PLA2G4C: variants seen among roughly 807,000 people sequenced by gnomAD.
PLA2G4C encodes phospholipase A2 group IVC.
Under a neutral mutation model 73.8 loss-of-function variants are expected in PLA2G4C, and 64 were observed. The observed-to-expected ratio is 0.87, with a 90% CI of 0.71 to 1.07. PLA2G4C has a LOEUF of 1.07. Among genes scored for constraint, PLA2G4C ranks in the 50% least tolerant of loss-of-function variants. PLA2G4C has a pLI of 0.00. For synonymous variants in PLA2G4C, 254 were observed against 252.1 expected (o/e 1.01, Z -0.07); for missense variants, 622 against 665.4 (o/e 0.93, Z 0.72).
chr19:48,084,037 A>T (rs944094051), intron 10 of PLA2G4C, among the ~76,000 whole-genome samples: 1 of 82,726 alleles, frequency 1.2e-5, no homozygotes, highest in Non-Finnish European at 2.5e-5. Context: ...ACGAATGCCA[A>T]TTTTGTGTGT....
chr19:48,093,992 G>A (rs906669097), intron 7 of PLA2G4C, among the ~76,000 whole-genome samples: 2 of 152,118 alleles, frequency 1.3e-5, no homozygotes, highest in African/African-American at 4.8e-5. Flanking sequence ...GGCCTCCCCA[G>A]CCATGTGAAA....
intron 10 of PLA2G4C, among the ~76,000 whole-genome samples, chr19:48,082,896 C>T (rs1165181723): frequency 6.7e-6 from 1 of 148,776 alleles, no homozygotes; most frequent in Admixed American, 6.9e-5. Flanking sequence ...TCACCGCAAA[C>T]TCTGCCTCCC....
intron 5 of PLA2G4C, 137 bp from the exon 6 acceptor site, chr19:48,098,396 G>T: frequency 2.8e-6 from 2 of 705,946 alleles, no homozygotes; most frequent in Non-Finnish European, 4.4e-6. Context: ...TACAATAATG[G>T]GCCACTACAG....
At chr19:48,105,194 A>G (rs2032114285) in intron 3 of PLA2G4C, 139 bp downstream of exon 3, 1 of 601,646 alleles carries the variant, frequency 1.7e-6, no homozygotes, top group East Asian at 2.8e-5. Flanking sequence ...GTCCCATAGA[A>G]GTTCATATCC....
At chr19:48,071,497 A>G (rs1192584072) in intron 12 of PLA2G4C, among the ~76,000 whole-genome samples, 1 of 152,046 alleles carries the variant, frequency 6.6e-6, no homozygotes, top group Non-Finnish European at 1.5e-5. Flanking sequence ...AGAGTTTGCC[A>G]TGTTGGCCAG....
intron 16 of PLA2G4C, among the ~76,000 whole-genome samples, chr19:48,050,672 A>ATTTTTTTTTTTT (rs1568418524): frequency 8.2e-5 from 2 of 24,274 alleles, no homozygotes; most frequent in Admixed American, 6.4e-4. Context: ...TGAGTATGTG[A>ATTTTTTTTTTTT]CTTTTTTTTT....
chr19:48,106,624 G>T, intron 1 of PLA2G4C, 63 bp from the exon 2 acceptor site: 1 of 1,324,300 alleles, frequency 7.6e-7, no homozygotes. Context: ...AGACAGTGGG[G>T]GAGGGCTGGG....
At chr19:48,080,406 T>C (rs1465153526) in intron 10 of PLA2G4C, among the ~76,000 whole-genome samples, 2 of 152,062 alleles carry the variant, frequency 1.3e-5, no homozygotes, top group Non-Finnish European at 2.9e-5. Flanking sequence ...ACAACCTCTA[T>C]GGAAAACAGT....
intron 10 of PLA2G4C, among the ~76,000 whole-genome samples, chr19:48,078,961 C>G (rs976315479): frequency 2.0e-5 from 3 of 151,762 alleles, no homozygotes; most frequent in Non-Finnish European, 4.4e-5. Flanking sequence ...CTCTGCTTCC[C>G]AAGTTCAAGC....
intron 15 of PLA2G4C, among the ~76,000 whole-genome samples, chr19:48,053,934 A>C (rs940839282): frequency 3.9e-5 from 6 of 152,108 alleles, no homozygotes; most frequent in Admixed American, 1.3e-4. Flanking sequence ...TGGATGAGGA[A>C]TGTGGGATGC....
At chr19:48,067,495 C>G (rs1253689128) in intron 13 of PLA2G4C, among the ~76,000 whole-genome samples, 2 of 152,150 alleles carry the variant, frequency 1.3e-5, no homozygotes, top group East Asian at 3.8e-4. Context: ...AGACCAGGTC[C>G]TAGGACTAGC....
intron 6 of PLA2G4C, chr19:48,097,244 C>CGTTTTTTTTTTT (rs1568449148): frequency 2.3e-4 from 15 of 66,622 alleles, no homozygotes; most frequent in African/African-American, 9.2e-4. Context: ...TTACTTTTTT[C>CGTTTTTTTTTTT]TTTTTTCTTT....
At chr19:48,098,904 G>C (rs1369826958) in intron 5 of PLA2G4C, among the ~76,000 whole-genome samples, 4 of 143,214 alleles carry the variant, frequency 2.8e-5, no homozygotes, top group Non-Finnish European at 3.1e-5. Context: ...CCTGTCTCAA[G>C]AATAAACAAA....
chr19:48,107,655 T>A (rs1568459251), intron 1 of PLA2G4C, among the ~76,000 whole-genome samples: 2 of 152,042 alleles, frequency 1.3e-5, no homozygotes, highest in Admixed American at 6.6e-5. Flanking sequence ...CTCCACCGCC[T>A]CCTGTGGAGG....
intron 10 of PLA2G4C, among the ~76,000 whole-genome samples, chr19:48,081,174 A>C (rs1013716099): frequency 6.6e-6 from 1 of 151,654 alleles, no homozygotes; most frequent in Non-Finnish European, 1.5e-5. Flanking sequence ...AAAAAAAAAA[A>C]AGATATGAAC....
intron 2 of PLA2G4C, 170 bp from the exon 3 acceptor site, chr19:48,105,614 G>A (rs1008356864): frequency 5.2e-6 from 3 of 580,210 alleles, no homozygotes; most frequent in South Asian, 2.2e-5. Context: ...GGTGATGGTT[G>A]TACAACACTG....
intron 10 of PLA2G4C, 37 bp from the exon 11 acceptor site, chr19:48,077,861 T>C: frequency 6.5e-7 from 1 of 1,549,168 alleles, no homozygotes; most frequent in East Asian, 2.3e-5. Flanking sequence ...TGTTTAACTG[T>C]AAAGTCACTA....
chr19:48,057,519 T>G (rs1001855097), intron 14 of PLA2G4C, among the ~76,000 whole-genome samples: 1 of 131,668 alleles, frequency 7.6e-6, no homozygotes, highest in African/African-American at 3.0e-5. Context: ...TGACAGAGTC[T>G]CGCTCTGTTG....
At chr19:48,101,045 T>C (rs12984850) in intron 4 of PLA2G4C, among the ~76,000 whole-genome samples, 40,256 of 146,286 alleles carry the variant, frequency 0.28, 6,268 homozygotes, top group East Asian at 0.52. Flanking sequence ...ACAAGAAGCA[T>C]GGTGCAAAAA....
Sources: gnomAD v4.1 joint callset for allele counts (sites outside exome capture counted in the v4.1 genomes callset) on GRCh38, gnomAD v4.1.1 for gene constraint, MANE v1.5 for transcripts, NCBI Gene and HGNC (gene_info 2026-07-23, HGNC 2026-07-21) for gene names.